CSRNP3: variants seen among roughly 807,000 people sequenced by gnomAD.
CSRNP3 encodes cysteine/serine-rich nuclear protein 3.
Under a neutral mutation model 48.0 loss-of-function variants are expected in CSRNP3, and 12 were observed. That is an observed-to-expected ratio of 0.25 (90% confidence interval 0.16 to 0.41). CSRNP3 has a LOEUF of 0.41. Among genes scored for constraint, CSRNP3 ranks in the 10% least tolerant of loss-of-function variants. The probability of loss-of-function intolerance (pLI) is 1.00; values close to 1 mark genes in which losing one functional copy is unlikely to be tolerated. For synonymous variants in CSRNP3, 263 were observed against 269.7 expected, an observed-to-expected ratio of 0.98 and a Z score of 0.24; for missense variants, 580 against 724.4, an observed-to-expected ratio of 0.80 and a Z score of 2.29.
At chr2:165,498,986 A>G (rs967017204) in intron 2 of CSRNP3, among the ~76,000 whole-genome samples, 2 of 152,154 alleles carry the variant, frequency 1.3e-5, no homozygotes, top group African/African-American at 2.4e-5. Flanking sequence ...CTGACAGTGT[A>G]ATTTATTTAC....
chr2:165,473,457 T>G (rs1683919295), intron 1 of CSRNP3, among the ~76,000 whole-genome samples: 1 of 152,052 alleles, frequency 6.6e-6, no homozygotes. Flanking sequence ...TTAATAATAT[T>G]CAAATTGTGC....
At chr2:165,526,535 A>G (rs1280958088) in intron 3 of CSRNP3, among the ~76,000 whole-genome samples, 2 of 152,232 alleles carry the variant, frequency 1.3e-5, no homozygotes, top group Admixed American at 6.5e-5. Flanking sequence ...AGGAATCAAA[A>G]ACATTTGCTC....
intron 4 of CSRNP3, among the ~76,000 whole-genome samples, chr2:165,638,181 G>C (rs867290982): frequency 1.3e-5 from 2 of 152,012 alleles, no homozygotes; most frequent in African/African-American, 2.4e-5. Context: ...CATTTTCTAG[G>C]CTGGGAGTGG....
At chr2:165,664,093 AC>A (rs1687139525) in intron 5 of CSRNP3, among the ~76,000 whole-genome samples, 1 of 152,194 alleles carries the variant, frequency 6.6e-6, no homozygotes, top group Non-Finnish European at 1.5e-5. Flanking sequence ...AGCTAACAAA[AC>A]AACCAAACAT....
At chr2:165,604,029 C>T (rs1685968421) in intron 4 of CSRNP3, among the ~76,000 whole-genome samples, 1 of 152,186 alleles carries the variant, frequency 6.6e-6, no homozygotes, top group South Asian at 2.1e-4. Context: ...GTATGTTTAT[C>T]ATCTGATCAG....
At chr2:165,553,787 G>T (rs185937609) in intron 3 of CSRNP3, among the ~76,000 whole-genome samples, 1 of 152,020 alleles carries the variant, frequency 6.6e-6, no homozygotes, top group African/African-American at 2.4e-5. Flanking sequence ...GCTACCCAAA[G>T]ACACTGCAGC....
At chr2:165,603,882 G>T (rs190189894) in intron 4 of CSRNP3, among the ~76,000 whole-genome samples, 42 of 152,194 alleles carry the variant, frequency 2.8e-4, no homozygotes, top group African/African-American at 9.6e-4. Flanking sequence ...CCTATTTCAT[G>T]TACAGCAGAG....
Position 165,606,611 on chromosome 2 carries a change from A to G in CSRNP3, c.148+11398A>G, listed in dbSNP as rs539428166. Among the ~76,000 whole-genome samples, 67 of 152,248 alleles carry G rather than the reference A, an allele frequency of 4.4e-4. 1 individual carries two copies. The highest frequency in any genetic ancestry group is 1.9e-3 in the South Asian group (9 of 4,820). On this transcript the variant is annotated intron_variant, in intron 4 of 6. Coordinates refer to ENST00000651982, the MANE Select transcript of CSRNP3 (RefSeq NM_001172173.2). ...CTAACACTGGCATGAGTGTCAGGTG[A>G]TTGAATTACTAAGGAAACCCAGTAG...
chr2:165,547,486 A>T (rs1558931157), intron 3 of CSRNP3, among the ~76,000 whole-genome samples: 1 of 152,084 alleles, frequency 6.6e-6, no homozygotes, highest in Admixed American at 6.5e-5. Flanking sequence ...TGTTTGTTTA[A>T]TTGATATCTC....
intron 3 of CSRNP3, among the ~76,000 whole-genome samples, chr2:165,570,776 G>A (rs969837789): frequency 6.6e-6 from 1 of 151,778 alleles, no homozygotes; most frequent in African/African-American, 2.4e-5. Context: ...TGCTAAAAAT[G>A]AACATGAACA....
intron 4 of CSRNP3, among the ~76,000 whole-genome samples, chr2:165,656,726 C>A (rs1170744025): frequency 1.3e-5 from 2 of 151,974 alleles, no homozygotes; most frequent in African/African-American, 4.8e-5. Context: ...GCCAGTGAGC[C>A]TTTTTGTGTG....
chr2:165,552,810 T>C lies in CSRNP3; in HGVS notation c.-24+34849T>C, dbSNP rs368074220. Among the ~76,000 whole-genome samples, 603 of 152,252 alleles carry C rather than the reference T, an allele frequency of 4.0e-3. 7 individuals are homozygous for C. Among genetic ancestry groups the C allele is most frequent in the African/African-American group, 0.014 (569 of 41,526 alleles). ...CCTGGGTTCTAGCGATCCTTCTGCC[T>C]CAGCCTCCCAAGTAGCTGGGACTAC... On this transcript the variant is annotated intron_variant, in intron 3 of 6. Coordinates refer to ENST00000651982, the MANE Select transcript of CSRNP3 (RefSeq NM_001172173.2).
intron 5 of CSRNP3, among the ~76,000 whole-genome samples, chr2:165,666,219 G>A (rs1687196689): frequency 7.2e-6 from 1 of 139,334 alleles, no homozygotes; most frequent in African/African-American, 2.7e-5. Flanking sequence ...AAGAAAGACA[G>A]AGAGGAAGGA....
rs916063625 is a variant in CSRNP3 at position 165,682,899 on chromosome 2, C to A, written c.*3146C>A. On this transcript the variant is annotated 3_prime_UTR_variant, in exon 7 of 7. Coordinates refer to ENST00000651982, the MANE Select transcript of CSRNP3 (RefSeq NM_001172173.2). ...TGTATTGCCTCCATAGTATATCTAGCCAAACTGTAGTCTTTGACACACAAC... is the reference window on the plus strand; with the variant it reads ...TGTATTGCCTCCATAGTATATCTAGACAAACTGTAGTCTTTGACACACAAC... 1 of 152,134 alleles carries A rather than the reference C, an allele frequency of 6.6e-6. No homozygotes were observed. The highest frequency in any genetic ancestry group is 1.5e-5 in the Non-Finnish European group (1 of 68,018). The allele number at this position is 152,134 out of a possible 1,614,324, so 9.4% of individuals were successfully genotyped here. A position where few individuals can be genotyped will look rare whatever the true frequency, so the allele number is the denominator to read the frequency against.
At chr2:165,530,797 C>G (rs993819299) in intron 3 of CSRNP3, among the ~76,000 whole-genome samples, 3 of 151,926 alleles carry the variant, frequency 2.0e-5, no homozygotes, top group Non-Finnish European at 2.9e-5. Flanking sequence ...TTGGACAATT[C>G]TTTCTTACTC....
chr2:165,504,815 G>A (rs1483052179), intron 2 of CSRNP3, among the ~76,000 whole-genome samples: 2 of 152,046 alleles, frequency 1.3e-5, no homozygotes, highest in African/African-American at 4.8e-5. Flanking sequence ...TCAAGAGTTT[G>A]TTAAAATTCT....
At chr2:165,667,478 T>A (rs1687254886) in intron 5 of CSRNP3, among the ~76,000 whole-genome samples, 2 of 152,186 alleles carry the variant, frequency 1.3e-5, no homozygotes, top group Non-Finnish European at 2.9e-5. Context: ...ACTTTGATTA[T>A]CTTGTAATTC....
chr2:165,531,788 TC>T (rs1267314005), intron 3 of CSRNP3, among the ~76,000 whole-genome samples: 2 of 151,726 alleles, frequency 1.3e-5, no homozygotes, highest in Non-Finnish European at 1.5e-5. Flanking sequence ...TTTGAAAAGA[TC>T]AACAAAATTG....
intron 3 of CSRNP3, among the ~76,000 whole-genome samples, chr2:165,528,786 G>T (rs919464640): frequency 6.6e-6 from 1 of 152,162 alleles, no homozygotes. Context: ...ATCTGGAGTG[G>T]CCGCTGCTAT....
Sources: allele counts gnomAD v4.1 joint callset (sites outside exome capture counted in the v4.1 genomes callset), GRCh38; gene constraint gnomAD v4.1.1; transcripts MANE v1.5; gene names NCBI Gene and HGNC (gene_info 2026-07-23, HGNC 2026-07-21).